API5: variants seen among roughly 807,000 people sequenced by gnomAD.
The protein encoded by API5 is apoptosis inhibitor 5.
API5 carries 6 observed loss-of-function variants against 71.9 expected under a neutral mutation model. The observed-to-expected ratio is 0.08, with a 90% CI of 0.05 to 0.16. The LOEUF is 0.16. Among genes scored for constraint, API5 ranks in the 10% least tolerant of loss-of-function variants. The pLI is 1.00. For missense variants in API5, 332 were observed against 612.8 expected (o/e 0.54, Z 4.84); for synonymous variants, 189 against 221.3 (o/e 0.85, Z 1.30).
rs140581727 is a variant in API5, at chr11:43,317,144, A to G, written c.70-1496A>G. On this transcript the variant is annotated intron_variant, in intron 1 of 13. Transcript: ENST00000531273. The stretch of plus-strand genomic sequence containing the variant: ...AGAACACTCCTTATACATAATAAAT[A>G]CTATACTGTGTATATGTTTGGTCAA... 6.6e-3 allele frequency among the ~76,000 whole-genome samples: 1,001 copies of G among 152,350 alleles called. 13 individuals are homozygous for G. Among genetic ancestry groups the G allele is most frequent in the African/African-American group, 0.023 (945 of 41,580 alleles).
At position 43,342,516 on chromosome 11, in the gene API5, ACATCAGCATT is replaced by A. The variant is rs763261867; in HGVS notation, c.*8_*17del. 1.2e-6 allele frequency: 2 copies of A among 1,613,586 alleles called. No individual in the cohort carries two copies. The highest frequency in any genetic ancestry group is 1.7e-6 in the Non-Finnish European group (2 of 1,179,554). On this transcript the variant is annotated 3_prime_UTR_variant, in exon 14 of 14. Coordinates refer to ENST00000531273, the MANE Select transcript of API5 (RefSeq NM_001142930.2). Reference sequence around the variant, plus strand: ...GTCGGGGAAGACTCTACTGAATAAGACATCAGCATTCTTCAGCATTGTCATGAGCTTAATA... The same window carrying A: ...GTCGGGGAAGACTCTACTGAATAAGACTTCAGCATTGTCATGAGCTTAATA...
Position 43,328,235 on chromosome 11 carries a change from C to T in API5, c.945+357C>T, listed in dbSNP as rs1216838599. Among the ~76,000 whole-genome samples the T allele has an allele frequency of 2.6e-5, 4 of 152,306 alleles. No homozygotes were observed. The East Asian group carries it at 5.8e-4, about 22-fold the overall frequency. Reference sequence around the variant, plus strand: ...TGTAACTTACTGGGTTGTTATAGCACTGATACTGAATGCCATTGGCAGTAC... The same window carrying T: ...TGTAACTTACTGGGTTGTTATAGCATTGATACTGAATGCCATTGGCAGTAC... On this transcript the variant is annotated intron_variant, in intron 8 of 13. Coordinates refer to ENST00000531273, the MANE Select transcript of API5 (RefSeq NM_001142930.2).
At position 43,320,100 on chromosome 11, in the gene API5, C is replaced by T. The variant is rs533732248; in HGVS notation, c.232-721C>T. ...TTACTCTATTGGCCAGGCTGGAGTG[C>T]GGTGGTGCAATCTTGGCTCACTGCA... is the stretch of plus-strand genomic sequence containing the variant. On this transcript the variant is annotated intron_variant, in intron 2 of 13. Transcript: ENST00000531273. Among the ~76,000 whole-genome samples the T allele has an allele frequency of 2.6e-3, 346 of 134,930 alleles. 1 individual carries two copies. Among genetic ancestry groups the T allele is most frequent in the Non-Finnish European group, 2.3e-3 (153 of 65,856 alleles). 88.5% of individuals were successfully genotyped at this position (134,930 alleles called of 152,430 possible).
At position 43,312,339 on chromosome 11, in the gene API5, G is replaced by C. The variant is rs1041072951; in HGVS notation, c.69+143G>C. 55 of 870,608 alleles carry C rather than the reference G, an allele frequency of 6.3e-5. No individual in the cohort carries two copies. In the African/African-American group the frequency reaches 8.8e-4, roughly 14 times the overall value. 53.9% of individuals were successfully genotyped at this position (870,608 alleles called of 1,614,324 possible). A position where few individuals can be genotyped will look rare whatever the true frequency, so the allele number is the denominator to read the frequency against. On this transcript the variant is annotated intron_variant, in intron 1 of 13. Transcript: ENST00000531273. ...TAGCCTCCTCAGGCCGTCTCGTCGG[G>C]GTGGGCCTCTCTGGGAGTGTAGACT...
chr11:43,335,114 T>TA (rs1444870681), intron 11 of API5, 164 bp from the exon 12 acceptor site: 5 of 621,566 alleles, frequency 8.0e-6, no homozygotes, highest in African/African-American at 5.6e-5. Context: ...AATGAGGTAA[T>TA]ACATGTGATT....
chr11:43,330,995 A>G (rs1398735654), intron 11 of API5, among the ~76,000 whole-genome samples: 1 of 152,114 alleles, frequency 6.6e-6, no homozygotes, highest in Non-Finnish European at 1.5e-5. Context: ...ATAACCTGAG[A>G]GAACCAGAAA....
chr11:43,337,889 T>G (rs1855487492), intron 13 of API5, among the ~76,000 whole-genome samples: 1 of 152,196 alleles, frequency 6.6e-6, no homozygotes, highest in East Asian at 1.9e-4. Context: ...TGCTCAATAG[T>G]GAGAATCAGG....
chr11:43,314,171 A>C (rs1004880647), intron 1 of API5, among the ~76,000 whole-genome samples: 4 of 152,148 alleles, frequency 2.6e-5, no homozygotes, highest in Non-Finnish European at 5.9e-5. Flanking sequence ...AAGAACTAGT[A>C]GTGAAGATAT....
Position 43,342,879 on chromosome 11 carries a change from T to C in API5, c.*369T>C, listed in dbSNP as rs1855669473. ...AAGATCATCAGTTTTGAAAGGTTAC[T>C]GATTTTCCTCTTCCCTCTTAGTTTT... is the stretch of plus-strand genomic sequence containing the variant. On this transcript the variant is annotated 3_prime_UTR_variant, in exon 14 of 14. Coordinates refer to ENST00000531273, the MANE Select transcript of API5 (RefSeq NM_001142930.2). The C allele has an allele frequency of 1.9e-6, 1 of 520,350 alleles. No individual in the cohort carries two copies. Among genetic ancestry groups the C allele is most frequent in the Non-Finnish European group, 3.4e-6 (1 of 295,912 alleles). The allele number at this position is 520,350 out of a possible 1,614,324, so 32.2% of individuals were successfully genotyped here. A position where few individuals can be genotyped will look rare whatever the true frequency, so the allele number is the denominator to read the frequency against.
At chr11:43,336,658 C>CT (rs971323147) in intron 13 of API5, among the ~76,000 whole-genome samples, 57 of 151,520 alleles carry the variant, frequency 3.8e-4, no homozygotes, top group African/African-American at 1.3e-3. Flanking sequence ...CCTCATGGAT[C>CT]TTTTTTTTTA....
At chr11:43,318,551 A>T in intron 1 of API5, 89 bp from the exon 2 acceptor site, 1 of 1,582,084 alleles carries the variant, frequency 6.3e-7, no homozygotes, top group Non-Finnish European at 8.6e-7. Flanking sequence ...AAAAATTTAA[A>T]GCACACTCTA....
chr11:43,326,735 A>C (rs1855089376), intron 7 of API5, 124 bp downstream of exon 7: 2 of 613,474 alleles, frequency 3.3e-6, no homozygotes, highest in East Asian at 5.3e-5. Flanking sequence ...GCCAGCCAGT[A>C]ATCTCCCTAG....
At chr11:43,324,111 A>G (rs964315183) in intron 6 of API5, among the ~76,000 whole-genome samples, 2 of 152,082 alleles carry the variant, frequency 1.3e-5, no homozygotes, top group Non-Finnish European at 2.9e-5. Context: ...TCTACCTCCC[A>G]GGCTCAAGCC....
At chr11:43,335,426 G>A in intron 12 of API5, 72 bp downstream of exon 12, 1 of 932,030 alleles carries the variant, frequency 1.1e-6, no homozygotes, top group South Asian at 1.4e-5. Context: ...TGTTCAAAAG[G>A]GTGCAATGTT....
chr11:43,335,116 C>T, intron 11 of API5, 162 bp from the exon 12 acceptor site: 1 of 623,056 alleles, frequency 1.6e-6, no homozygotes, highest in South Asian at 1.8e-5. Context: ...TGAGGTAATA[C>T]ATGTGATTTG....
intron 1 of API5, among the ~76,000 whole-genome samples, chr11:43,316,658 T>C (rs1396681811): frequency 6.6e-6 from 1 of 152,168 alleles, no homozygotes; most frequent in East Asian, 1.9e-4. Context: ...GGTCTTGCTC[T>C]GTCAGGCTGG....
At chr11:43,319,567 G>C (rs5743217) in intron 2 of API5, among the ~76,000 whole-genome samples, 8,542 of 152,094 alleles carry the variant, frequency 0.056, 279 homozygotes, top group African/African-American at 0.093. Flanking sequence ...AAGCAGCACA[G>C]ACCACCGTTC....
At chr11:43,312,381 G>C (rs888304214) in intron 1 of API5, among the ~76,000 whole-genome samples, 185 bp downstream of exon 1, 5 of 152,058 alleles carry the variant, frequency 3.3e-5, no homozygotes, top group Non-Finnish European at 2.9e-5. Context: ...TCACCAGGGA[G>C]ACCGCGGTCC....
At chr11:43,333,856 A>G (rs557453170) in intron 11 of API5, among the ~76,000 whole-genome samples, 1 of 152,192 alleles carries the variant, frequency 6.6e-6, no homozygotes, top group Non-Finnish European at 1.5e-5. Context: ...CCAGGAGTTA[A>G]CTTTTCCCAT....
Sources: gnomAD v4.1 joint callset for allele counts (sites outside exome capture counted in the v4.1 genomes callset) on GRCh38, gnomAD v4.1.1 for gene constraint, MANE v1.5 for transcripts, NCBI Gene and HGNC (gene_info 2026-07-23, HGNC 2026-07-21) for gene names.